The following TACC1 variants were observed in gnomAD, a reference collection of about 807,000 sequenced individuals.
TACC1 encodes transforming acidic coiled-coil-containing protein 1.
In TACC1, 48 loss-of-function variants were observed where a neutral mutation model predicts 84.4. The observed-to-expected ratio is 0.57, with a 90% confidence interval of 0.45 to 0.72. TACC1 has a LOEUF of 0.72. Ranked by LOEUF, TACC1 falls within the 30% of genes least tolerant of loss-of-function variation. The pLI, the probability that TACC1 is intolerant of heterozygous loss-of-function variation, is 0.00. For synonymous variants in TACC1, 372 were observed against 376.3 expected, an observed-to-expected ratio of 0.99 and a Z score of 0.13; for missense variants, 920 against 973.0, an observed-to-expected ratio of 0.95 and a Z score of 0.72.
chr8:38,749,573 G>GT (rs948989243), intron 3 of TACC1, among the ~76,000 whole-genome samples: 4 of 151,434 alleles, frequency 2.6e-5, no homozygotes, highest in Admixed American at 6.6e-5. Flanking sequence ...GCAATGCAAA[G>GT]TTTTTTTTTG....
Position 38,787,641 on chromosome 8 carries a change from C to T in TACC1, c.59C>T (p.Ser20Phe). The change falls in exon 1 of 13, where the codon TCT becomes TTT. Residue 20 changes from serine to phenylalanine, a missense_variant. Ser to Phe is a radical substitution (Grantham distance 155, BLOSUM62 -2). Transcript: ENST00000317827. ...GTGCAGTGGGCGAAATGGACGTGGT[C>T]TGCGGTACGCGGCGGGGCCGCCGGC... is the stretch of plus-strand genomic sequence containing the variant. ...SPVQWAKWTW[S>F]AVRGGAAGED... The T allele has an allele frequency of 6.4e-7, 1 of 1,550,766 alleles. No homozygotes were observed. The highest frequency in any genetic ancestry group is 1.2e-5 in the South Asian group (1 of 84,556).
At chr8:38,824,326 T>C (rs962028751) in intron 3 of TACC1, among the ~76,000 whole-genome samples, 1 of 152,022 alleles carries the variant, frequency 6.6e-6, no homozygotes, top group African/African-American at 2.4e-5. Flanking sequence ...ATCACAGCAG[T>C]GGTTTGAGGG....
At position 38,787,511 on chromosome 8, in the gene TACC1, T is replaced by G. The variant is rs545913782; in HGVS notation, c.-72T>G. ...TGGCGCCTGTCACCGGTTCCCTCCA[T>G]TTTGAAAGGGAAAAAGGCTCTCCCC... On this transcript the variant is annotated 5_prime_UTR_variant, in exon 1 of 13. Transcript: ENST00000317827. 4 of 1,431,272 alleles carry G rather than the reference T, an allele frequency of 2.8e-6. No homozygotes were observed. In the South Asian group the frequency reaches 5.8e-5, roughly 21 times the overall value. 88.7% of individuals were successfully genotyped at this position (1,431,272 alleles called of 1,614,324 possible).
chr8:38,768,856 GGT>G (rs1179137236), intron 3 of TACC1, among the ~76,000 whole-genome samples: 1 of 151,326 alleles, frequency 6.6e-6, no homozygotes, highest in Admixed American at 6.6e-5. Flanking sequence ...GGGGGTGTGT[GGT>G]GTGTGTGAGA....
At chr8:38,847,861 G>A in intron 12 of TACC1, 94 bp from the exon 13 acceptor site, 1 of 1,010,990 alleles carries the variant, frequency 9.9e-7, no homozygotes, top group South Asian at 1.4e-5. Flanking sequence ...GGATGTCTAG[G>A]GTAGGGTAGA....
chr8:38,840,212 T>C lies in TACC1; in HGVS notation c.1917-12T>C, dbSNP rs375664328. ...TCCTCCTCTGGTAATAAGTTCTTTT[T>C]TTCTCATTTAGGAAAATTGTAGCTG... On this transcript the variant is annotated splice_polypyrimidine_tract_variant and intron_variant, in intron 8 of 12. Coordinates refer to ENST00000317827, the MANE Select transcript of TACC1 (RefSeq NM_006283.3). 42 of 1,604,196 alleles carry C rather than the reference T, an allele frequency of 2.6e-5. No homozygotes were observed. The highest frequency in any genetic ancestry group is 6.8e-5 in the Admixed American group (4 of 58,698).
chr8:38,827,463 T>G (rs1207174655), intron 5 of TACC1, 88 bp downstream of exon 5: 5 of 1,369,190 alleles, frequency 3.7e-6, no homozygotes, highest in Non-Finnish European at 5.1e-6. Flanking sequence ...TTACAGAGAT[T>G]AAAGAATTGG....
intron 3 of TACC1, among the ~76,000 whole-genome samples, chr8:38,770,406 C>T (rs1447362783): frequency 6.6e-6 from 1 of 152,056 alleles, no homozygotes; most frequent in Non-Finnish European, 1.5e-5. Flanking sequence ...CCCTCCCCTG[C>T]CCCCTCCGCC....
At chr8:38,802,544 A>G (rs796122313) in intron 2 of TACC1, among the ~76,000 whole-genome samples, 1 of 152,220 alleles carries the variant, frequency 6.6e-6, no homozygotes, top group East Asian at 1.9e-4. Context: ...ATTGTCTTCC[A>G]TGAAACCGGT....
chr8:38,811,697 A>G (rs1205307286), intron 2 of TACC1, among the ~76,000 whole-genome samples: 1 of 152,208 alleles, frequency 6.6e-6, no homozygotes, highest in African/African-American at 2.4e-5. Context: ...ATATCACGTC[A>G]GGACCACTAT....
chr8:38,769,502 G>A (rs1813056501), intron 3 of TACC1, among the ~76,000 whole-genome samples: 1 of 145,874 alleles, frequency 6.9e-6, no homozygotes, highest in Non-Finnish European at 1.5e-5. Context: ...GGTATGTGGT[G>A]TGTGTGTGTG....
chr8:38,826,556 A>G (rs1162645711), intron 4 of TACC1, among the ~76,000 whole-genome samples: 1 of 152,224 alleles, frequency 6.6e-6, no homozygotes, highest in Non-Finnish European at 1.5e-5. Context: ...GACATTGGAT[A>G]GAGACTTTTA....
chr8:38,836,826 C>G (rs1259752260), intron 7 of TACC1, among the ~76,000 whole-genome samples: 3 of 152,166 alleles, frequency 2.0e-5, no homozygotes, highest in Non-Finnish European at 2.9e-5. Context: ...GTTGCCCACC[C>G]TCTCCTGTCA....
chr8:38,847,848 T>A, intron 12 of TACC1, 107 bp from the exon 13 acceptor site: 1 of 841,064 alleles, frequency 1.2e-6, no homozygotes, highest in Non-Finnish European at 1.9e-6. Flanking sequence ...AATCACTGAA[T>A]TAGGATGTCT....
chr8:38,770,230 A>C (rs188982323), intron 3 of TACC1, among the ~76,000 whole-genome samples: 1 of 151,992 alleles, frequency 6.6e-6, no homozygotes, highest in Non-Finnish European at 1.5e-5. Flanking sequence ...TGGTGTCACT[A>C]TAGCTGACAG....
intron 3 of TACC1, among the ~76,000 whole-genome samples, chr8:38,761,473 G>T (rs886486164): frequency 1.1e-4 from 16 of 152,206 alleles, no homozygotes; most frequent in South Asian, 4.1e-4. Flanking sequence ...TGATCAATTA[G>T]GTGCTGGCTA....
intron 2 of TACC1, among the ~76,000 whole-genome samples, chr8:38,790,976 C>T (rs1563511622): frequency 6.6e-6 from 1 of 152,192 alleles, no homozygotes; most frequent in South Asian, 2.1e-4. Flanking sequence ...TAAAGATTGG[C>T]AGATCAGAAG....
intron 3 of TACC1, among the ~76,000 whole-genome samples, chr8:38,779,131 C>T (rs977948509): frequency 5.9e-5 from 9 of 152,142 alleles, no homozygotes; most frequent in African/African-American, 1.9e-4. Flanking sequence ...AACACCACCA[C>T]GCCTGGCTAC....
intron 3 of TACC1, among the ~76,000 whole-genome samples, chr8:38,749,174 A>G (rs1191637479): frequency 6.6e-6 from 1 of 152,220 alleles, no homozygotes; most frequent in African/African-American, 2.4e-5. Context: ...TGTGTCACAG[A>G]TGAAATGAAC....
Sources: gnomAD v4.1 joint callset for allele counts (sites outside exome capture counted in the v4.1 genomes callset) on GRCh38, gnomAD v4.1.1 for gene constraint, MANE v1.5 for transcripts, NCBI Gene and HGNC (gene_info 2026-07-23, HGNC 2026-07-21) for gene names.